The following DENND5B variants were observed in gnomAD, a reference collection of about 807,000 sequenced individuals.
DENND5B encodes the protein DENN domain-containing protein 5B.
Under a neutral mutation model 140.6 loss-of-function variants are expected in DENND5B, and 34 were observed. The observed-to-expected ratio is 0.24, with a 90% CI of 0.18 to 0.32. The LOEUF is 0.32. DENND5B is among the 10% of genes least tolerant of loss of function. The pLI, the probability that DENND5B is intolerant of heterozygous loss-of-function variation, is 1.00. For missense variants in DENND5B, 1,142 were observed against 1,560.2 expected (o/e 0.73, Z 4.52); for synonymous variants, 551 against 562.1 (o/e 0.98, Z 0.28).
intron 1 of DENND5B, among the ~76,000 whole-genome samples, chr12:31,561,442 A>G (rs551751422): frequency 6.6e-6 from 1 of 152,322 alleles, no homozygotes; most frequent in Admixed American, 6.5e-5. Flanking sequence ...TGGGCAACAT[A>G]GTGAGACCCT....
intron 1 of DENND5B, chr12:31,535,395 AAGAG>A (rs756002096): frequency 2.9e-4 from 46 of 157,022 alleles, no homozygotes; most frequent in East Asian, 5.7e-4. Flanking sequence ...AGCACAGAGA[AAGAG>A]AGAGAGAGAG....
chr12:31,525,169 A>C (rs1190603425), intron 1 of DENND5B, among the ~76,000 whole-genome samples: 1 of 152,208 alleles, frequency 6.6e-6, no homozygotes, highest in Non-Finnish European at 1.5e-5. Flanking sequence ...AAAGTCTGCT[A>C]ATTCTTCAAG....
chr12:31,535,437 C>T (rs1255890780), intron 1 of DENND5B, among the ~76,000 whole-genome samples: 1 of 151,920 alleles, frequency 6.6e-6, no homozygotes, highest in Non-Finnish European at 1.5e-5. Flanking sequence ...CATATATACA[C>T]ATACACACAC....
chr12:31,570,485 G>A (rs945087320), intron 1 of DENND5B, among the ~76,000 whole-genome samples: 4 of 149,922 alleles, frequency 2.7e-5, no homozygotes, highest in Non-Finnish European at 5.9e-5. Flanking sequence ...TACCATGTTA[G>A]CCAGGATGGT....
Position 31,479,824 on chromosome 12 carries a change from C to T in DENND5B, c.669G>A (p.Leu223=). Residue 223 remains leucine, a synonymous_variant, in exon 3 of 21, where the codon TTG becomes TTA. Coordinates refer to ENST00000389082, the MANE Select transcript of DENND5B (RefSeq NM_144973.4). ...KAVTSQQPPP[L]PLESYIHNIL... ...TATTGTGGATATAGCTTTCAAGTGGCAAGGGTGGTGGCTGCTGTGAGGTAA... is the reference window on the plus strand; with the variant it reads ...TATTGTGGATATAGCTTTCAAGTGGTAAGGGTGGTGGCTGCTGTGAGGTAA... 1 of 1,613,740 alleles carries T rather than the reference C, an allele frequency of 6.2e-7. No homozygotes were observed. The highest frequency in any genetic ancestry group is 8.5e-7 in the Non-Finnish European group (1 of 1,179,786).
intron 1 of DENND5B, among the ~76,000 whole-genome samples, chr12:31,552,818 T>G (rs1224591231): frequency 1.3e-5 from 2 of 152,238 alleles, no homozygotes; most frequent in East Asian, 3.8e-4. Flanking sequence ...GTCAAGGAAT[T>G]TATCCGTTTC....
rs1045677480 is a variant in DENND5B at position 31,383,106 on chromosome 12, G to A, written c.*4497C>T. The A allele has an allele frequency of 3.9e-5, 6 of 152,096 alleles. No individual in the cohort carries two copies. The highest frequency in any genetic ancestry group is 8.8e-5 in the Non-Finnish European group (6 of 67,994). The allele number at this position is 152,096 out of a possible 1,614,324, so 9.4% of individuals were successfully genotyped here. ...GTGTGTTAATACTGAAATATAAATA[G>A]CTAAAGTTCAGATTGTCTTTTCAAC... On this transcript the variant is annotated 3_prime_UTR_variant, in exon 21 of 21. Coordinates refer to ENST00000389082, the MANE Select transcript of DENND5B (RefSeq NM_144973.4).
intron 1 of DENND5B, among the ~76,000 whole-genome samples, chr12:31,533,421 T>C (rs1948364056): frequency 6.6e-6 from 1 of 152,228 alleles, no homozygotes; most frequent in Non-Finnish European, 1.5e-5. Context: ...AATGTTTATA[T>C]TATGCTTTTT....
chr12:31,404,759 C>CTTTTTTTTT (rs71062425), intron 14 of DENND5B, among the ~76,000 whole-genome samples: 10,800 of 73,980 alleles, frequency 0.15, 2,554 homozygotes, highest in Middle Eastern at 0.3. Context: ...CGACCTCTAG[C>CTTTTTTTTT]TTTTTTTTTT....
chr12:31,433,142 G>A lies in DENND5B; in HGVS notation c.2106+13C>T. 6.2e-7 allele frequency: 1 copy of A among 1,613,454 alleles called. No individual in the cohort carries two copies. Among genetic ancestry groups the A allele is most frequent in the Non-Finnish European group, 8.5e-7 (1 of 1,179,544 alleles). Reference sequence around the variant, plus strand: ...GCTTGCTGTGAGGCACCCCAGGAAGGTAGACCACATACCTCCCTCAAGTCG... The same window carrying A: ...GCTTGCTGTGAGGCACCCCAGGAAGATAGACCACATACCTCCCTCAAGTCG... On this transcript the variant is annotated intron_variant, in intron 8 of 20. Coordinates refer to ENST00000389082, the MANE Select transcript of DENND5B (RefSeq NM_144973.4).
chr12:31,590,386 C>T (rs2139560760), intron 1 of DENND5B: 1 of 180,606 alleles, frequency 5.5e-6, no homozygotes. Flanking sequence ...GGTGACTCAC[C>T]GGCCGCCTCC....
intron 1 of DENND5B, among the ~76,000 whole-genome samples, chr12:31,511,324 C>T (rs1354249019): frequency 6.6e-6 from 1 of 152,156 alleles, no homozygotes. Context: ...TCTTCCATAA[C>T]GCTACAAAAT....
intron 2 of DENND5B, among the ~76,000 whole-genome samples, chr12:31,494,181 T>TATCTATCTATCCATCC (rs1268264034): frequency 5.6e-4 from 48 of 85,778 alleles, no homozygotes; most frequent in African/African-American, 2.1e-3. Context: ...TCTATCTATC[T>TATCTATCTATCCATCC]ATCCATCCAT....
At position 31,563,862 on chromosome 12, in the gene DENND5B, A is replaced by G. The variant is rs1033402990; in HGVS notation, c.127+26844T>C. Among the ~76,000 whole-genome samples the G allele has an allele frequency of 1.1e-4, 16 of 152,210 alleles. No homozygotes were observed. In the East Asian group the frequency reaches 3.1e-3, roughly 29 times the overall value. On this transcript the variant is annotated intron_variant, in intron 1 of 20. Coordinates refer to ENST00000389082, the MANE Select transcript of DENND5B (RefSeq NM_144973.4). The stretch of plus-strand genomic sequence containing the variant: ...CCGGTTGTGGTGGCTCATCCTTGTA[A>G]TCCCAGCACTTTGGGAGGCTGAGGT...
At chr12:31,484,736 G>A (rs1470086073) in intron 2 of DENND5B, among the ~76,000 whole-genome samples, 3 of 152,122 alleles carry the variant, frequency 2.0e-5, no homozygotes, top group African/African-American at 7.2e-5. Context: ...GGGAGGCGGA[G>A]GTTGCAGTGA....
chr12:31,412,584 A>G (rs1445862468), intron 13 of DENND5B, among the ~76,000 whole-genome samples: 1 of 152,102 alleles, frequency 6.6e-6, no homozygotes, highest in Non-Finnish European at 1.5e-5. Flanking sequence ...CTTAGGCGGT[A>G]ATGCTTGCTT....
At chr12:31,448,153 A>AGATGGAG (rs1555149108) in intron 5 of DENND5B, among the ~76,000 whole-genome samples, 1 of 149,786 alleles carries the variant, frequency 6.7e-6, no homozygotes, top group Non-Finnish European at 1.5e-5. Flanking sequence ...TTTTTCTTTG[A>AGATGGAG]GATGGAGTCT....
chr12:31,432,043 C>T, intron 8 of DENND5B: 1 of 984,838 alleles, frequency 1.0e-6, no homozygotes, highest in Non-Finnish European at 1.2e-6. Context: ...AAGAACATAC[C>T]AGGCAGCACT....
chr12:31,471,396 C>T (rs74475211), intron 3 of DENND5B, among the ~76,000 whole-genome samples: 3,560 of 151,832 alleles, frequency 0.023, 79 homozygotes, highest in Non-Finnish European at 0.031. Flanking sequence ...CTCACTGCAA[C>T]CTGCAATTCT....
Sources: gnomAD v4.1 joint callset for allele counts (sites outside exome capture counted in the v4.1 genomes callset) on GRCh38, gnomAD v4.1.1 for gene constraint, MANE v1.5 for transcripts, NCBI Gene and HGNC (gene_info 2026-07-23, HGNC 2026-07-21) for gene names.